PID1: variants seen among roughly 807,000 people sequenced by gnomAD.
PID1 encodes the protein phosphotyrosine interaction domain containing 1, also known as PTB-containing, cubilin and LRP1-interacting protein.
Under a neutral mutation model 19.1 loss-of-function variants are expected in PID1, and 10 were observed. That is an observed-to-expected ratio of 0.52 (90% CI 0.32 to 0.89). PID1 has a LOEUF of 0.89. Ranked by LOEUF, PID1 falls within the 40% of genes least tolerant of loss-of-function variation. The probability of loss-of-function intolerance (pLI) is 0.03; values close to 1 mark genes in which losing one functional copy is unlikely to be tolerated. For synonymous variants in PID1, 130 were observed against 116.0 expected (o/e 1.12, Z -0.78); for missense variants, 248 against 285.3 (o/e 0.87, Z 0.94).
intron 2 of PID1, among the ~76,000 whole-genome samples, chr2:229,077,000 A>G (rs1470494722): frequency 6.6e-6 from 1 of 152,226 alleles, no homozygotes; most frequent in African/African-American, 2.4e-5. Context: ...GAACTCATTC[A>G]CACTCTCACC....
intron 2 of PID1, among the ~76,000 whole-genome samples, chr2:229,123,511 T>C (rs1695563925): frequency 6.6e-6 from 1 of 152,236 alleles, no homozygotes; most frequent in Non-Finnish European, 1.5e-5. Context: ...CACAGGCATA[T>C]GTCTTCATTT....
chr2:229,215,661 C>T (rs1036407417), intron 1 of PID1, among the ~76,000 whole-genome samples: 5 of 152,160 alleles, frequency 3.3e-5, no homozygotes, highest in African/African-American at 1.2e-4. Context: ...CAGGTGTAGG[C>T]TTGACTCCAA....
In PID1 at chr2:229,069,143, TTGTGTG is replaced by T. The variant is rs61118908; in HGVS notation, c.178-43041_178-43036del. ...TTCCTTTCTTTAACGAGAAGGGTTTTTGTGTGTGTGTGTGTGTGTGTGTGTGTGTGT... is the reference window on the plus strand; with the variant it reads ...TTCCTTTCTTTAACGAGAAGGGTTTTTGTGTGTGTGTGTGTGTGTGTGTGT... On this transcript the variant is annotated intron_variant, in intron 2 of 2. Coordinates refer to ENST00000392055, the MANE Select transcript of PID1 (RefSeq NM_001100818.2). 6.4e-5 allele frequency among the ~76,000 whole-genome samples: 9 copies of T among 140,708 alleles called. No individual in the cohort carries two copies. The East Asian group carries it at 1.5e-3, about 23-fold the overall frequency. The allele number at this position is 140,708 out of a possible 152,430, so 92.3% of individuals were successfully genotyped here. A position where few individuals can be genotyped will look rare whatever the true frequency, so the allele number is the denominator to read the frequency against.
chr2:229,093,346 A>G lies in PID1; in HGVS notation c.177+62472T>C, dbSNP rs146808917. On this transcript the variant is annotated intron_variant, in intron 2 of 2. Coordinates refer to ENST00000392055, the MANE Select transcript of PID1 (RefSeq NM_001100818.2). ...ACCACGTTGTCCAGGCTGGTCTAGAATTCCTGGCCTCAAGTGATCCACCTA... is the reference window on the plus strand; with the variant it reads ...ACCACGTTGTCCAGGCTGGTCTAGAGTTCCTGGCCTCAAGTGATCCACCTA... 7.9e-5 allele frequency among the ~76,000 whole-genome samples: 12 copies of G among 151,896 alleles called. No homozygotes were observed. In the East Asian group the frequency reaches 2.3e-3, roughly 29 times the overall value.
intron 2 of PID1, among the ~76,000 whole-genome samples, chr2:229,043,392 G>C (rs913581054): frequency 6.6e-6 from 1 of 152,120 alleles, no homozygotes. Context: ...CTTATGGATT[G>C]TAATTTTGAA....
intron 2 of PID1, among the ~76,000 whole-genome samples, chr2:229,078,637 T>C (rs759341030): frequency 6.6e-6 from 1 of 152,236 alleles, no homozygotes; most frequent in Non-Finnish European, 1.5e-5. Flanking sequence ...GGCCTGTCTG[T>C]ATCTATTGAG....
chr2:229,042,954 A>T (rs1445853388), intron 2 of PID1, among the ~76,000 whole-genome samples: 6 of 150,518 alleles, frequency 4.0e-5, no homozygotes, highest in East Asian at 3.9e-4. Flanking sequence ...ATTTTTTTTG[A>T]GAGAGAGAGA....
intron 1 of PID1, among the ~76,000 whole-genome samples, chr2:229,168,254 T>G (rs1415705415): frequency 6.6e-6 from 1 of 152,194 alleles, no homozygotes; most frequent in African/African-American, 2.4e-5. Context: ...CAATAGTTCT[T>G]CCATCCCATT....
intron 2 of PID1, among the ~76,000 whole-genome samples, chr2:229,043,543 A>G (rs1250811486): frequency 6.6e-6 from 1 of 152,258 alleles, no homozygotes; most frequent in Non-Finnish European, 1.5e-5. Context: ...CGGCTACTTC[A>G]GCAAGCACAT....
intron 2 of PID1, among the ~76,000 whole-genome samples, chr2:229,078,718 T>G (rs556952465): frequency 6.6e-6 from 1 of 152,276 alleles, no homozygotes; most frequent in South Asian, 2.1e-4. Context: ...CTTTCTTGTT[T>G]TTGTTTCACA....
chr2:229,259,887 C>T (rs764515626), intron 1 of PID1, among the ~76,000 whole-genome samples: 13 of 152,070 alleles, frequency 8.5e-5, no homozygotes, highest in Non-Finnish European at 1.5e-4. Context: ...GAGGACACAG[C>T]GTGAAGGCAC....
chr2:229,032,919 T>C (rs751123557), intron 2 of PID1, among the ~76,000 whole-genome samples: 1 of 152,160 alleles, frequency 6.6e-6, no homozygotes, highest in Non-Finnish European at 1.5e-5. Context: ...CCAGAGTGTC[T>C]GCAGTGTTAA....
chr2:229,098,787 G>T (rs1695021018), intron 2 of PID1, among the ~76,000 whole-genome samples: 1 of 152,172 alleles, frequency 6.6e-6, no homozygotes, highest in African/African-American at 2.4e-5. Context: ...TTGCACCACA[G>T]ATTTCATGTT....
At position 229,248,648 on chromosome 2, in the gene PID1, CTT is replaced by C. The variant is rs571107872; in HGVS notation, c.30+22364_30+22365del. ...TGATTTTCTAACTCCATCATCCCTG[CTT>C]TATTTATTAGGTAACATTTTATTGT... On this transcript the variant is annotated intron_variant, in intron 1 of 2. Transcript: ENST00000392055. Among the ~76,000 whole-genome samples the C allele has an allele frequency of 8.7e-4, 133 of 152,314 alleles. 1 individual carries two copies. The highest frequency in any genetic ancestry group is 1.3e-3 in the Non-Finnish European group (90 of 68,028).
intron 1 of PID1, among the ~76,000 whole-genome samples, chr2:229,199,102 C>A (rs1418187724): frequency 6.6e-6 from 1 of 151,948 alleles, no homozygotes; most frequent in South Asian, 2.1e-4. Flanking sequence ...CAAACTGACA[C>A]CCTTGCCAGT....
intron 1 of PID1, among the ~76,000 whole-genome samples, chr2:229,163,532 A>C (rs1424532077): frequency 6.6e-6 from 1 of 151,930 alleles, no homozygotes; most frequent in African/African-American, 2.4e-5. Context: ...GAGTCTCTCA[A>C]GTGATTATGT....
intron 1 of PID1, among the ~76,000 whole-genome samples, chr2:229,166,191 C>T (rs186079254): frequency 1.3e-5 from 2 of 152,212 alleles, no homozygotes; most frequent in Non-Finnish European, 2.9e-5. Flanking sequence ...AAACAATTAT[C>T]CTGAGAACAC....
intron 2 of PID1, among the ~76,000 whole-genome samples, chr2:229,092,021 T>C (rs1167248641): frequency 6.6e-6 from 1 of 152,208 alleles, no homozygotes; most frequent in Non-Finnish European, 1.5e-5. Context: ...GAAAGTACAG[T>C]GCACGTTCAA....
chr2:229,221,998 C>T (rs1691980617), intron 1 of PID1, among the ~76,000 whole-genome samples: 1 of 152,204 alleles, frequency 6.6e-6, no homozygotes, highest in Non-Finnish European at 1.5e-5. Context: ...TCACTTCCTG[C>T]CTAGACCATT....
Sources: allele counts gnomAD v4.1 joint callset (sites outside exome capture counted in the v4.1 genomes callset), GRCh38; gene constraint gnomAD v4.1.1; transcripts MANE v1.5; gene names NCBI Gene and HGNC (gene_info 2026-07-23, HGNC 2026-07-21).